The following DOCK9 variants were observed in gnomAD, a reference collection of about 807,000 sequenced individuals.
DOCK9 encodes the protein dedicator of cytokinesis 9, also known as dedicator of cytokinesis protein 9.
In DOCK9, 89 loss-of-function variants were observed where a neutral mutation model predicts 263.3. The ratio of observed to expected loss-of-function variants is 0.34; its 90% CI spans 0.28 to 0.40. The LOEUF is 0.40. DOCK9 is among the 10% of genes least tolerant of loss of function. The pLI, the probability that DOCK9 is intolerant of heterozygous loss-of-function variation, is 1.00. For synonymous variants in DOCK9, 976 were observed against 973.1 expected, an observed-to-expected ratio of 1.00 and a Z score of -0.06; for missense variants, 2,140 against 2,603.4, an observed-to-expected ratio of 0.82 and a Z score of 3.87.
chr13:99,075,068 T>C (rs1278272751), intron 1 of DOCK9, among the ~76,000 whole-genome samples: 3 of 152,266 alleles, frequency 2.0e-5, no homozygotes, highest in Non-Finnish European at 4.4e-5. Flanking sequence ...GCACCATGTA[T>C]GGTCTGTGTT....
At chr13:99,015,511 G>A (rs1359558022) in intron 1 of DOCK9, 2 of 1,598,108 alleles carry the variant, frequency 1.3e-6, no homozygotes, top group Non-Finnish European at 8.5e-7. Context: ...ATATTCAAGG[G>A]CATTATTCTC....
At chr13:98,885,283 G>T in intron 20 of DOCK9, 191 bp from the exon 21 acceptor site, 1 of 751,354 alleles carries the variant, frequency 1.3e-6, no homozygotes, top group Non-Finnish European at 2.0e-6. Context: ...TTCGGGGTTA[G>T]AATTCTACAA....
At chr13:98,861,042 A>C (rs2141879843) in intron 32 of DOCK9, among the ~76,000 whole-genome samples, 1 of 152,282 alleles carries the variant, frequency 6.6e-6, no homozygotes, top group East Asian at 1.9e-4. Context: ...TACTTTGGTG[A>C]AAGTGTTCAT....
intron 1 of DOCK9, among the ~76,000 whole-genome samples, chr13:99,044,375 C>T (rs1315859791): frequency 2.0e-5 from 3 of 152,178 alleles, no homozygotes; most frequent in Middle Eastern, 3.2e-3. Context: ...AGTAGGACAT[C>T]AATAAATGCT....
chr13:99,030,933 T>C (rs946092584), intron 1 of DOCK9, among the ~76,000 whole-genome samples: 4 of 152,198 alleles, frequency 2.6e-5, no homozygotes, highest in African/African-American at 9.7e-5. Flanking sequence ...TGTTGATTGC[T>C]AGATGATGAT....
rs762367107 is a variant in DOCK9, at chr13:98,829,289, G to T, written c.4965+18C>A. 1.2e-6 allele frequency: 2 copies of T among 1,600,430 alleles called. No individual in the cohort carries two copies. Among genetic ancestry groups the T allele is most frequent in the East Asian group, 4.5e-5 (2 of 44,468 alleles). ...GGTTTTTTCAAAAACCCATTCAAGC[G>T]GCTGGCAGGGCTACTACCTCTGAGA... is the stretch of plus-strand genomic sequence containing the variant. On this transcript the variant is annotated intron_variant, in intron 43 of 52. Transcript: ENST00000682017. This position sits in a 1 kb window ranked among gnomAD's most constrained non-coding sequence, Gnocchi z 4.1.
chr13:99,022,060 G>A (rs1006750000), intron 1 of DOCK9, among the ~76,000 whole-genome samples: 5 of 152,274 alleles, frequency 3.3e-5, no homozygotes, highest in African/African-American at 1.2e-4. Context: ...TTACCATGGT[G>A]CATTTCAGGA....
intron 1 of DOCK9, among the ~76,000 whole-genome samples, chr13:99,073,885 T>G (rs971990553): frequency 6.6e-6 from 1 of 152,208 alleles, no homozygotes; most frequent in Non-Finnish European, 1.5e-5. Context: ...CCTGTTATCT[T>G]GATATTTTTA....
At chr13:99,031,123 T>TAA (rs1555297072) in intron 1 of DOCK9, among the ~76,000 whole-genome samples, 9,900 of 151,606 alleles carry the variant, frequency 0.065, 400 homozygotes, top group Middle Eastern at 0.15. Context: ...ATGTTTTTTT[T>TAA]AAAAAAAAGT....
At chr13:98,860,815 G>C (rs188618241) in intron 32 of DOCK9, among the ~76,000 whole-genome samples, 11 of 152,226 alleles carry the variant, frequency 7.2e-5, no homozygotes, top group Admixed American at 1.3e-4. Context: ...CCTTTCCAGA[G>C]CTCGGACGCC....
chr13:98,974,066 C>A (rs2059988828), intron 1 of DOCK9, among the ~76,000 whole-genome samples: 1 of 152,126 alleles, frequency 6.6e-6, no homozygotes, highest in Non-Finnish European at 1.5e-5. Context: ...TATAACCCAG[C>A]CTTTTTTGGC....
intron 36 of DOCK9, 99 bp from the exon 37 acceptor site, chr13:98,848,738 G>T: frequency 1.6e-6 from 2 of 1,226,248 alleles, no homozygotes; most frequent in South Asian, 2.7e-5. Context: ...TAAACATTAT[G>T]TCTAGTACCA....
At chr13:99,087,505 C>G (rs1596077103), upstream of DOCK9, among the ~76,000 whole-genome samples, 1 of 152,090 alleles carries the variant, frequency 6.6e-6, no homozygotes, top group Non-Finnish European at 1.5e-5. Flanking sequence ...CGCCGGCTTG[C>G]GAGCCCACCG....
At chr13:98,957,734 A>T (rs745935635) in intron 1 of DOCK9, among the ~76,000 whole-genome samples, 1 of 152,222 alleles carries the variant, frequency 6.6e-6, no homozygotes, top group Non-Finnish European at 1.5e-5. Flanking sequence ...GTGATTAATA[A>T]CATTTTCCCT....
intron 8 of DOCK9, 55 bp from the exon 9 acceptor site, chr13:98,914,450 G>C: frequency 6.7e-7 from 1 of 1,498,384 alleles, no homozygotes; most frequent in Non-Finnish European, 9.1e-7. Flanking sequence ...CATTTCATTT[G>C]AAACAGGAGG....
rs185415665 is a variant in DOCK9 at position 98,894,991 on chromosome 13, G to A, written c.1709+2497C>T. Among the ~76,000 whole-genome samples the A allele has an allele frequency of 9.6e-4, 143 of 148,756 alleles. 2 individuals are homozygous for A. The highest frequency in any genetic ancestry group is 2.8e-3 in the South Asian group (13 of 4,642). ...AAAAAAAAAAAAAAAAAAATTAGCGGGGCGTGGCAGCATGCGCTACTCAGC... is the reference window on the plus strand; with the variant it reads ...AAAAAAAAAAAAAAAAAAATTAGCGAGGCGTGGCAGCATGCGCTACTCAGC... On this transcript the variant is annotated intron_variant, in intron 15 of 52. Coordinates refer to ENST00000682017, the MANE Select transcript of DOCK9 (RefSeq NM_001366683.2).
At chr13:98,896,137 T>C (rs2047390469) in intron 15 of DOCK9, among the ~76,000 whole-genome samples, 1 of 152,238 alleles carries the variant, frequency 6.6e-6, no homozygotes, top group Non-Finnish European at 1.5e-5. Flanking sequence ...AAAACTGAGG[T>C]TGCACTTCTC....
At chr13:98,898,662 C>T (rs2139346086) in intron 13 of DOCK9, among the ~76,000 whole-genome samples, 1 of 152,246 alleles carries the variant, frequency 6.6e-6, no homozygotes, top group East Asian at 1.9e-4. Flanking sequence ...AATGAGAACA[C>T]TAATTAAAAT....
rs532003900 is a variant in DOCK9 at position 99,039,205 on chromosome 13, T to G, written c.129+47018A>C. ...AAAATACTTTTTGAAGTTAGAAAAT[T>G]TATTGTTTTGTATACAAAATAATTA... On this transcript the variant is annotated intron_variant, in intron 1 of 32. Transcript: ENST00000427887. Among the ~76,000 whole-genome samples the G allele has an allele frequency of 2.6e-5, 4 of 152,302 alleles. No homozygotes were observed. The South Asian group carries it at 6.2e-4, about 24-fold the overall frequency.
Sources: gnomAD v4.1 joint callset for allele counts (sites outside exome capture counted in the v4.1 genomes callset) on GRCh38, gnomAD v4.1.1 for gene constraint, Gnocchi (gnomAD v3.1) non-coding constraint, MANE v1.5 for transcripts, NCBI Gene and HGNC (gene_info 2026-07-23, HGNC 2026-07-21) for gene names.